MCPH1: variants seen among roughly 807,000 people sequenced by gnomAD.
MCPH1 encodes the protein microcephalin 1.
MCPH1 carries 104 observed loss-of-function variants against 84.5 expected under a neutral mutation model. The observed-to-expected ratio is 1.23, with a 90% CI of 1.05 to 1.45. The LOEUF (loss-of-function observed/expected upper bound fraction) is 1.45. MCPH1 is among the 40% of genes most tolerant of loss of function. The pLI is 0.00. For missense variants in MCPH1, 1,498 were observed against 1,005.7 expected (o/e 1.49, Z -6.62); for synonymous variants, 514 against 366.8 (o/e 1.40, Z -4.58).
chr8:6,415,647 C>A (rs143289094), intron 3 of MCPH1, among the ~76,000 whole-genome samples: 2 of 152,036 alleles, frequency 1.3e-5, no homozygotes, highest in Non-Finnish European at 2.9e-5. Flanking sequence ...AGCCACCGTG[C>A]GCGGCCCACA....
intron 12 of MCPH1, among the ~76,000 whole-genome samples, chr8:6,583,000 T>A (rs1827678471): frequency 6.6e-6 from 1 of 152,198 alleles, no homozygotes; most frequent in Non-Finnish European, 1.5e-5. Context: ...ACTCTGCACA[T>A]AGTCGGCGGT....
chr8:6,626,823 C>G, intron 13 of MCPH1: 1 of 985,238 alleles, frequency 1.0e-6, no homozygotes, highest in Non-Finnish European at 1.2e-6. Context: ...TCTGTGCACT[C>G]TTCCCTCCCT....
chr8:6,554,962 A>G (rs1395638281), intron 12 of MCPH1, among the ~76,000 whole-genome samples: 1 of 152,242 alleles, frequency 6.6e-6, no homozygotes, highest in African/African-American at 2.4e-5. Context: ...TCTAATTAAA[A>G]TATTAAAGAT....
intron 12 of MCPH1, among the ~76,000 whole-genome samples, chr8:6,534,177 C>T (rs1274982823): frequency 2.0e-5 from 3 of 151,806 alleles, no homozygotes; most frequent in Admixed American, 6.6e-5. Flanking sequence ...TCCACATCTA[C>T]GGGTTCAACC....
rs76487967 is a variant in MCPH1 at position 6,526,031 on chromosome 8, T to C, written c.2214+26102T>C. 8.6e-4 allele frequency among the ~76,000 whole-genome samples: 131 copies of C among 152,246 alleles called. 1 individual carries two copies. In the East Asian group the frequency reaches 0.024, roughly 28 times the overall value. Reference sequence around the variant, plus strand: ...TATCCTAGGTTTGTCACGGACATCATTGTATAACAGGCAAGAGAAAAGTAA... The same window carrying C: ...TATCCTAGGTTTGTCACGGACATCACTGTATAACAGGCAAGAGAAAAGTAA... On this transcript the variant is annotated intron_variant, in intron 12 of 13. Transcript: ENST00000344683.
intron 12 of MCPH1, chr8:6,519,723 G>C (rs1242253422): frequency 9.8e-7 from 1 of 1,018,086 alleles, no homozygotes; most frequent in Non-Finnish European, 1.4e-6. Context: ...TCTAGGCGAG[G>C]TAGCTGCCCA....
At chr8:6,531,352 G>A (rs1229351998) in intron 12 of MCPH1, among the ~76,000 whole-genome samples, 3 of 150,036 alleles carry the variant, frequency 2.0e-5, no homozygotes, top group Non-Finnish European at 4.4e-5. Flanking sequence ...GCAGTGGCAC[G>A]ATCTCAACTC....
intron 12 of MCPH1, among the ~76,000 whole-genome samples, chr8:6,589,213 A>C (rs988504402): frequency 2.6e-5 from 4 of 152,198 alleles, no homozygotes; most frequent in African/African-American, 9.7e-5. Context: ...TACAGAGCTC[A>C]CCTTAATCAA....
At chr8:6,478,282 C>T (rs59712877) in intron 10 of MCPH1, among the ~76,000 whole-genome samples, 382 of 152,154 alleles carry the variant, frequency 2.5e-3, no homozygotes, top group African/African-American at 7.4e-3. Context: ...CCTTTTCCTG[C>T]CTGGGGCTTA....
rs747126452 is a variant in MCPH1 at position 6,644,515 on chromosome 8, T to G, written c.*1466T>G. 1.3e-5 allele frequency: 2 copies of G among 152,130 alleles called. No homozygotes were observed. Among genetic ancestry groups the G allele is most frequent in the South Asian group, 4.1e-4 (2 of 4,826 alleles). The allele number at this position is 152,130 out of a possible 1,614,324, so 9.4% of individuals were successfully genotyped here. A position where few individuals can be genotyped will look rare whatever the true frequency, so the allele number is the denominator to read the frequency against. On this transcript the variant is annotated 3_prime_UTR_variant, in exon 14 of 14. Transcript: ENST00000344683. ...GTAAAGTTTCAGGATAGTAAATCCATGTACAAAAATCAGCATTTCCAAACA... is the reference window on the plus strand; with the variant it reads ...GTAAAGTTTCAGGATAGTAAATCCAGGTACAAAAATCAGCATTTCCAAACA...
intron 12 of MCPH1, among the ~76,000 whole-genome samples, chr8:6,505,007 A>G (rs1235363421): frequency 6.6e-6 from 1 of 151,718 alleles, no homozygotes; most frequent in Non-Finnish European, 1.5e-5. Context: ...CCTTATATTA[A>G]TTTTTAAAAT....
rs146573437 is a variant in MCPH1 at position 6,560,600 on chromosome 8, TA to T, written c.2214+60674del. Among the ~76,000 whole-genome samples, 1,424 of 152,296 alleles carry T rather than the reference TA, an allele frequency of 9.4e-3. 19 individuals carry two copies. The highest frequency in any genetic ancestry group is 0.033 in the African/African-American group (1,359 of 41,554). On this transcript the variant is annotated intron_variant, in intron 12 of 13. Transcript: ENST00000344683. ...AACAGGTGTGGAGCCCGTGAAAAGA[TA>T]AACATTAAGTCATTCTTGGGGAAAC...
Position 6,450,818 on chromosome 8 carries a change from A to G in MCPH1, c.1826-4325A>G, listed in dbSNP as rs184106608. On this transcript the variant is annotated intron_variant, in intron 8 of 13. Transcript: ENST00000344683. Reference sequence around the variant, plus strand: ...AGTGCAGTGACATGATCGCAGCTCAATGCAGCCTCAACTTACTGGGCTCAA... The same window carrying G: ...AGTGCAGTGACATGATCGCAGCTCAGTGCAGCCTCAACTTACTGGGCTCAA... Among the ~76,000 whole-genome samples the G allele has an allele frequency of 8.5e-5, 13 of 152,162 alleles. No homozygotes were observed. The South Asian group carries it at 2.1e-3, about 24-fold the overall frequency.
chr8:6,628,539 G>C (rs1024993629), intron 13 of MCPH1, among the ~76,000 whole-genome samples: 29 of 150,398 alleles, frequency 1.9e-4, no homozygotes, highest in African/African-American at 7.1e-4. Flanking sequence ...GGAGTCAGCT[G>C]TCTATTCAAT....
At chr8:6,458,221 C>A (rs1454218225) in intron 9 of MCPH1, among the ~76,000 whole-genome samples, 1 of 151,976 alleles carries the variant, frequency 6.6e-6, no homozygotes. Flanking sequence ...ACCTGTAATC[C>A]CAGCGCTTTG....
At chr8:6,532,459 T>A in intron 12 of MCPH1, 1 of 1,613,906 alleles carries the variant, frequency 6.2e-7, no homozygotes, top group Non-Finnish European at 8.5e-7. Context: ...CATTTCTTTC[T>A]TCATGTTGTC....
chr8:6,410,483 G>C (rs1032171123), intron 2 of MCPH1, among the ~76,000 whole-genome samples: 1 of 152,172 alleles, frequency 6.6e-6, no homozygotes, highest in African/African-American at 2.4e-5. Context: ...CAAACAATTT[G>C]CCTTATTCAA....
chr8:6,552,014 A>C lies in MCPH1; in HGVS notation c.2214+52085A>C, dbSNP rs188760335. ...TATAATTACCCGGTAGATGACCAAG[A>C]ATTGATATCATCTGTTGATTCCAGA... On this transcript the variant is annotated intron_variant, in intron 12 of 13. Transcript: ENST00000344683. Among the ~76,000 whole-genome samples the C allele has an allele frequency of 6.6e-5, 10 of 152,326 alleles. No individual in the cohort carries two copies. The East Asian group carries it at 1.5e-3, about 23-fold the overall frequency.
chr8:6,507,409 A>G (rs188815495), intron 12 of MCPH1, among the ~76,000 whole-genome samples: 2 of 152,248 alleles, frequency 1.3e-5, no homozygotes, highest in East Asian at 1.9e-4. Context: ...ATTTTGCACT[A>G]TTGGCAGAGT....
Sources: allele counts gnomAD v4.1 joint callset (sites outside exome capture counted in the v4.1 genomes callset), GRCh38; gene constraint gnomAD v4.1.1; transcripts MANE v1.5; gene names NCBI Gene and HGNC (gene_info 2026-07-23, HGNC 2026-07-21).